Variants in OR3A2 observed in about 807,000 individuals in gnomAD.
OR3A2 encodes olfactory receptor family 3 subfamily A member 2, also known as olfactory receptor 3A2.
For synonymous variants in OR3A2, 126 were observed against 159.3 expected (o/e 0.79, Z 1.57); for missense variants, 318 against 392.8 (o/e 0.81, Z 1.61).
At chr17:3,357,801 C>A (rs1446148766) in intron 2 of OR3A2, among the ~76,000 whole-genome samples, 1 of 151,624 alleles carries the variant, frequency 6.6e-6, no homozygotes, top group Non-Finnish European at 1.5e-5. Flanking sequence ...AATCCTCCTG[C>A]CTTGGCCTTC....
At chr17:3,310,998 C>T (rs766148919) in intron 3 of OR3A2, 44 of 550,372 alleles carry the variant, frequency 8.0e-5, no homozygotes, top group Admixed American at 1.3e-4. Flanking sequence ...TGCAGTCCTG[C>T]GAATCCGCTC....
At chr17:3,292,832 C>A (rs1002850047) in intron 3 of OR3A2, among the ~76,000 whole-genome samples, 4 of 152,044 alleles carry the variant, frequency 2.6e-5, no homozygotes, top group African/African-American at 9.7e-5. Context: ...CCTCCTCCAA[C>A]CCGCCCCCCA....
chr17:3,325,247 C>T (rs1385398132), intron 3 of OR3A2, among the ~76,000 whole-genome samples: 12 of 134,970 alleles, frequency 8.9e-5, no homozygotes, highest in Non-Finnish European at 1.5e-4. Flanking sequence ...CTCGCTCTGT[C>T]GCCCAGACTG....
chr17:3,316,019 T>C (rs892385499), intron 3 of OR3A2, among the ~76,000 whole-genome samples: 1 of 152,158 alleles, frequency 6.6e-6, no homozygotes, highest in Non-Finnish European at 1.5e-5. Flanking sequence ...TTCCATCTCC[T>C]GTCCCTGAAG....
At chr17:3,303,761 A>T (rs1264133780) in intron 3 of OR3A2, among the ~76,000 whole-genome samples, 1 of 147,854 alleles carries the variant, frequency 6.8e-6, no homozygotes, top group Non-Finnish European at 1.5e-5. Context: ...AAAATTAGCC[A>T]GGTGCCTGTA....
At chr17:3,360,717 C>A (rs1333121978) in intron 2 of OR3A2, among the ~76,000 whole-genome samples, 1 of 151,612 alleles carries the variant, frequency 6.6e-6, no homozygotes, top group Non-Finnish European at 1.5e-5. Context: ...TGTCAAAGAT[C>A]AGATAGTTGT....
chr17:3,328,863 T>C (rs1449346574), intron 3 of OR3A2, among the ~76,000 whole-genome samples: 2 of 150,666 alleles, frequency 1.3e-5, no homozygotes, highest in Non-Finnish European at 2.9e-5. Flanking sequence ...ATTACATTTA[T>C]TGATTTGCGA....
At chr17:3,336,879 C>T (rs2049278008) in intron 2 of OR3A2, among the ~76,000 whole-genome samples, 1 of 152,188 alleles carries the variant, frequency 6.6e-6, no homozygotes, top group African/African-American at 2.4e-5. Flanking sequence ...CTGCATCCCT[C>T]CTCACTCCTA....
chr17:3,302,965 A>G (rs2048976380), intron 3 of OR3A2, among the ~76,000 whole-genome samples: 2 of 152,252 alleles, frequency 1.3e-5, no homozygotes, highest in African/African-American at 4.8e-5. Flanking sequence ...TAATTTAAAT[A>G]GTGTTATATT....
chr17:3,320,903 C>A (rs1381121023), intron 3 of OR3A2, among the ~76,000 whole-genome samples: 1 of 151,772 alleles, frequency 6.6e-6, no homozygotes, highest in African/African-American at 2.4e-5. Flanking sequence ...TAGTTTTTTC[C>A]AATTCTGTGA....
intron 2 of OR3A2, among the ~76,000 whole-genome samples, chr17:3,344,973 A>G (rs550540046): frequency 2.0e-5 from 3 of 152,298 alleles, no homozygotes; most frequent in Admixed American, 2.0e-4. Flanking sequence ...CATCTCTTAG[A>G]ACTGCTTTTC....
At chr17:3,350,205 A>G in intron 2 of OR3A2, among the ~76,000 whole-genome samples, 1 of 152,096 alleles carries the variant, frequency 6.6e-6, no homozygotes, top group East Asian at 1.9e-4. Flanking sequence ...AAGGAAATAG[A>G]GACACAAAAA....
intron 2 of OR3A2, among the ~76,000 whole-genome samples, chr17:3,351,851 C>G (rs190613947): frequency 6.6e-6 from 1 of 152,174 alleles, no homozygotes; most frequent in African/African-American, 2.4e-5. Flanking sequence ...ATCAATGGAA[C>G]AGAACAGAGC....
chr17:3,321,616 T>C (rs933942804), intron 3 of OR3A2, among the ~76,000 whole-genome samples: 10 of 152,216 alleles, frequency 6.6e-5, no homozygotes, highest in Non-Finnish European at 1.3e-4. Context: ...TCAAAGGCCT[T>C]TTCTGCATCT....
At chr17:3,309,311 G>T (rs969624270) in intron 3 of OR3A2, among the ~76,000 whole-genome samples, 1 of 152,150 alleles carries the variant, frequency 6.6e-6, no homozygotes, top group Non-Finnish European at 1.5e-5. Flanking sequence ...GCCCTATCTG[G>T]TGATCAGATA....
At chr17:3,373,237 T>C (rs1267956624) in intron 2 of OR3A2, among the ~76,000 whole-genome samples, 3 of 152,228 alleles carry the variant, frequency 2.0e-5, no homozygotes, top group Non-Finnish European at 4.4e-5. Context: ...TTGGAGAATG[T>C]TCTATGTGCT....
At chr17:3,355,431 TC>T (rs2049458442) in intron 2 of OR3A2, among the ~76,000 whole-genome samples, 1 of 1,252 alleles carries the variant, frequency 8.0e-4, no homozygotes, top group Non-Finnish European at 5.1e-3. Flanking sequence ...TTGGCATTTC[TC>T]TCTCTCTCTC....
intron 2 of OR3A2, among the ~76,000 whole-genome samples, chr17:3,339,660 G>C (rs1441411171): frequency 1.3e-5 from 2 of 152,182 alleles, no homozygotes; most frequent in East Asian, 3.9e-4. Flanking sequence ...TTGATGTGCT[G>C]CTGGATTCAG....
intron 1 of OR3A2, among the ~76,000 whole-genome samples, chr17:3,384,496 G>A (rs2049763146): frequency 6.6e-6 from 1 of 152,026 alleles, no homozygotes; most frequent in Admixed American, 6.6e-5. Context: ...TGTCTGTTTG[G>A]TGAACCTGAT....
Sources: allele counts gnomAD v4.1 joint callset (sites outside exome capture counted in the v4.1 genomes callset), GRCh38; gene constraint gnomAD v4.1.1; transcripts MANE v1.5; gene names NCBI Gene and HGNC (gene_info 2026-07-23, HGNC 2026-07-21).